The following LRCH3 variants were observed in gnomAD, a reference collection of about 807,000 sequenced individuals.
The protein encoded by LRCH3 is DISP complex protein LRCH3.
In LRCH3, 68 loss-of-function variants were observed where a neutral mutation model predicts 104.5. The observed-to-expected ratio is 0.65, with a 90% CI of 0.54 to 0.80. The LOEUF is 0.80. Among genes scored for constraint, LRCH3 ranks in the 30% least tolerant of loss-of-function variants. LRCH3 has a pLI of 0.00. For synonymous variants in LRCH3, 344 were observed against 361.3 expected, an observed-to-expected ratio of 0.95 and a Z score of 0.54; for missense variants, 951 against 953.9, an observed-to-expected ratio of 1.00 and a Z score of 0.04.
intron 9 of LRCH3, among the ~76,000 whole-genome samples, 164 bp from the exon 10 acceptor site, chr3:197,839,157 G>C (rs1308648390): frequency 2.0e-5 from 3 of 152,180 alleles, no homozygotes; most frequent in Non-Finnish European, 4.4e-5. Flanking sequence ...TAAAGCAGCA[G>C]TATAGCATAT....
chr3:197,805,731 A>G (rs1157935150), intron 1 of LRCH3, among the ~76,000 whole-genome samples: 1 of 151,682 alleles, frequency 6.6e-6, no homozygotes, highest in Non-Finnish European at 1.5e-5. Flanking sequence ...ATCTCTAGGC[A>G]TCTCCCTGCT....
intron 7 of LRCH3, 30 bp downstream of exon 7, chr3:197,830,893 A>G: frequency 6.7e-7 from 1 of 1,487,824 alleles, no homozygotes; most frequent in Non-Finnish European, 9.4e-7. Flanking sequence ...CGTGTGTTAT[A>G]ACACCTGATT....
chr3:197,800,656 C>T (rs1262120341), intron 1 of LRCH3, among the ~76,000 whole-genome samples: 2 of 152,182 alleles, frequency 1.3e-5, no homozygotes, highest in African/African-American at 2.4e-5. Context: ...AGAAATTCCA[C>T]TCTTGAGATA....
chr3:197,812,504 G>GTTTTTTTTTTTTGTTTTTTT (rs1733256463), intron 1 of LRCH3, among the ~76,000 whole-genome samples: 1 of 48,956 alleles, frequency 2.0e-5, no homozygotes, highest in African/African-American at 7.9e-5. Context: ...TCTGCTTTCA[G>GTTTTTTTTTTTTGTTTTTTT]TTTTTTTTTT....
chr3:197,880,806 T>G, intron 20 of LRCH3: 1 of 1,521,220 alleles, frequency 6.6e-7, no homozygotes, highest in East Asian at 2.5e-5. Flanking sequence ...AAGTGCTTTT[T>G]CTCCCTGCTG....
chr3:197,829,677 A>C lies in LRCH3; in HGVS notation c.887+4A>C. On this transcript the variant is annotated splice_donor_region_variant and intron_variant, in intron 6 of 20. Transcript: ENST00000425562. The stretch of plus-strand genomic sequence containing the variant: ...GACCGTTGGGTTTTGGCTCCTGGTA[A>C]GTATATTCTGTCCCTTTATCTATCA... 1 of 1,576,456 alleles carries C rather than the reference A, an allele frequency of 6.3e-7. No individual in the cohort carries two copies. The highest frequency in any genetic ancestry group is 8.7e-7 in the Non-Finnish European group (1 of 1,153,584).
chr3:197,832,054 C>A (rs974837528), intron 7 of LRCH3, 143 bp from the exon 8 acceptor site: 30 of 700,680 alleles, frequency 4.3e-5, no homozygotes, highest in Non-Finnish European at 6.5e-5. Flanking sequence ...ATTAGGATTA[C>A]AGGCATGTGT....
rs185178446 is a variant in LRCH3, at chr3:197,832,270, G to A, written c.1055G>A (p.Ser352Asn). 2 of 1,614,028 alleles carry A rather than the reference G, an allele frequency of 1.2e-6. No homozygotes were observed. Among genetic ancestry groups the A allele is most frequent in the African/African-American group, 1.3e-5 (1 of 75,052 alleles). The part of the protein sequence containing the change: ...ITKEQRLRRE[S>N]QYQENRGSLV... ...AAAGAACAAAGACTACGAAGAGAAA[G>A]CCAGTACCAAGAGAACCGCGGCAGT... The change falls in exon 8 of 21, where the codon AGC (serine) becomes AAC (asparagine). Residue 352 changes from serine (S) to asparagine (N), a missense_variant. Coordinates refer to ENST00000425562, the MANE Select transcript of LRCH3 (RefSeq NM_001365715.1).
chr3:197,843,599 G>T (rs1310517037), intron 10 of LRCH3, among the ~76,000 whole-genome samples: 5 of 152,160 alleles, frequency 3.3e-5, no homozygotes, highest in Admixed American at 3.3e-4. Flanking sequence ...CAGGAGAATT[G>T]CTTGAACTTA....
chr3:197,872,064 A>G, intron 19 of LRCH3, among the ~76,000 whole-genome samples: 1 of 152,226 alleles, frequency 6.6e-6, no homozygotes. Flanking sequence ...GCAGTTTAGA[A>G]TGACGAATCT....
At chr3:197,794,794 C>T (rs1029317187) in intron 1 of LRCH3, among the ~76,000 whole-genome samples, 10 of 152,168 alleles carry the variant, frequency 6.6e-5, no homozygotes, top group Admixed American at 5.2e-4. Context: ...CACCTGAGAT[C>T]GGAAGTTCCA....
intron 12 of LRCH3, among the ~76,000 whole-genome samples, chr3:197,852,079 C>T (rs116626260): frequency 8.1e-4 from 124 of 152,258 alleles, no homozygotes; most frequent in Middle Eastern, 3.4e-3. Context: ...TACAGTAGAG[C>T]ACGTTGTAAA....
chr3:197,804,847 A>G (rs912491992), intron 1 of LRCH3, among the ~76,000 whole-genome samples: 5 of 151,620 alleles, frequency 3.3e-5, no homozygotes, highest in African/African-American at 9.7e-5. Context: ...ACTTAAAGAC[A>G]TTTCCAATAG....
intron 1 of LRCH3, among the ~76,000 whole-genome samples, chr3:197,808,466 C>T (rs546350733): frequency 7.9e-5 from 12 of 152,310 alleles, no homozygotes; most frequent in African/African-American, 2.6e-4. Flanking sequence ...ATTTAGAGAA[C>T]TTCCATTACT....
chr3:197,845,491 GT>G (rs1418030385), intron 10 of LRCH3, among the ~76,000 whole-genome samples: 1 of 151,634 alleles, frequency 6.6e-6, no homozygotes, highest in African/African-American at 2.4e-5. Context: ...CTGCATTTTT[GT>G]TTTTTATGTC....
intron 20 of LRCH3, among the ~76,000 whole-genome samples, chr3:197,880,167 G>C (rs371687222): frequency 7.3e-5 from 11 of 151,558 alleles, no homozygotes; most frequent in Admixed American, 2.0e-4. Flanking sequence ...GGATGGTCTC[G>C]ATCTCCTGAC....
chr3:197,888,053 A>G lies in LRCH3; in HGVS notation c.*4387A>G, dbSNP rs1025525693. 2 of 152,274 alleles carry G rather than the reference A, an allele frequency of 1.3e-5. No individual in the cohort carries two copies. The highest frequency in any genetic ancestry group is 6.5e-5 in the Admixed American group (1 of 15,288). The allele number at this position is 152,274 out of a possible 1,614,324, so 9.4% of individuals were successfully genotyped here. A position where few individuals can be genotyped will look rare whatever the true frequency, so the allele number is the denominator to read the frequency against. On this transcript the variant is annotated 3_prime_UTR_variant, in exon 21 of 21. Transcript: ENST00000425562. Reference sequence around the variant, plus strand: ...AGAGCTTTTTAAAATACAGCTAATCAAGGAGTTTGCGATTTCTCTTACTTT... The same window carrying G: ...AGAGCTTTTTAAAATACAGCTAATCGAGGAGTTTGCGATTTCTCTTACTTT...
rs1213915960 is a variant in LRCH3, at chr3:197,810,411, TG to T, written c.263-4495del. Among the ~76,000 whole-genome samples, 1 of 152,112 alleles carries T rather than the reference TG, an allele frequency of 6.6e-6. No individual in the cohort carries two copies. The highest frequency in any genetic ancestry group is 2.4e-5 in the African/African-American group (1 of 41,442). The stretch of plus-strand genomic sequence containing the variant: ...TAGGTGATTCACCAGCCTCTGCCTC[TG>T]GAAGTGCTGGGATTACAGGCATGAG... On this transcript the variant is annotated intron_variant, in intron 1 of 20. Transcript: ENST00000425562. The surrounding 1 kb of genome is among the most constrained non-coding windows in gnomAD (Gnocchi z 4.0).
chr3:197,850,961 C>T (rs1560579739), intron 12 of LRCH3: 1 of 785,442 alleles, frequency 1.3e-6, no homozygotes, highest in South Asian at 1.3e-5. Context: ...CCATTTTTCA[C>T]AGATTACCTC....
Sources: allele counts gnomAD v4.1 joint callset (sites outside exome capture counted in the v4.1 genomes callset), GRCh38; gene constraint gnomAD v4.1.1; non-coding constraint Gnocchi (gnomAD v3.1); transcripts MANE v1.5; gene names NCBI Gene and HGNC (gene_info 2026-07-23, HGNC 2026-07-21).